Variants in PRKCE observed in about 807,000 individuals in gnomAD.
PRKCE encodes the protein protein kinase C epsilon type.
Under a neutral mutation model 85.4 loss-of-function variants are expected in PRKCE, and 16 were observed. The observed-to-expected ratio is 0.19, with a 90% CI of 0.13 to 0.28. The LOEUF (loss-of-function observed/expected upper bound fraction) is 0.28. PRKCE is among the 10% of genes least tolerant of loss of function. The probability of loss-of-function intolerance (pLI) is 1.00; values close to 1 mark genes in which losing one functional copy is unlikely to be tolerated. For missense variants in PRKCE, 573 were observed against 975.2 expected, an observed-to-expected ratio of 0.59 and a Z score of 5.49; for synonymous variants, 388 against 371.5, an observed-to-expected ratio of 1.04 and a Z score of -0.51.
In PRKCE at chr2:45,741,153, T is replaced by A. The variant is rs568909689; in HGVS notation, c.348+88705T>A. Among the ~76,000 whole-genome samples the A allele has an allele frequency of 7.9e-5, 12 of 152,324 alleles. 1 individual carries two copies. The South Asian group carries it at 2.5e-3, about 32-fold the overall frequency. On this transcript the variant is annotated intron_variant, in intron 1 of 14. Coordinates refer to ENST00000306156, the MANE Select transcript of PRKCE (RefSeq NM_005400.3). ...GGGATCCCAAATGTGATTGCTTCTA[T>A]CGGTGCCTGTAAAGGAGTCTGTAAT... is the stretch of plus-strand genomic sequence containing the variant.
chr2:46,007,705 C>G (rs747464667), intron 9 of PRKCE, 44 bp downstream of exon 9: 11 of 1,563,600 alleles, frequency 7.0e-6, no homozygotes, highest in Non-Finnish European at 8.7e-6. Context: ...TGTTCTACTC[C>G]TTAGCATTGT....
At chr2:46,177,448 C>T (rs1157950586) in intron 14 of PRKCE, among the ~76,000 whole-genome samples, 4 of 152,200 alleles carry the variant, frequency 2.6e-5, no homozygotes, top group African/African-American at 9.6e-5. Flanking sequence ...CCCTCTGAAA[C>T]CTACAGAGGA....
chr2:46,156,971 T>C (rs146453968), intron 13 of PRKCE, among the ~76,000 whole-genome samples: 15 of 152,336 alleles, frequency 9.8e-5, no homozygotes, highest in African/African-American at 3.4e-4. Flanking sequence ...TTTCTTTTTC[T>C]GTGTTATACA....
Position 46,185,454 on chromosome 2 carries a change from A to G in PRKCE, c.*573A>G, listed in dbSNP as rs1468918107. 1 of 152,726 alleles carries G rather than the reference A, an allele frequency of 6.5e-6. No individual in the cohort carries two copies. The highest frequency in any genetic ancestry group is 1.5e-5 in the Non-Finnish European group (1 of 68,126). The allele number at this position is 152,726 out of a possible 1,614,324, so 9.5% of individuals were successfully genotyped here. A position where few individuals can be genotyped will look rare whatever the true frequency, so the allele number is the denominator to read the frequency against. ...GGCCAGCTGGGTTGGTTTGCTCTGG[A>G]ATGGCTAACTCTTGCCTGCTTTGGT... On this transcript the variant is annotated 3_prime_UTR_variant, in exon 15 of 15. Transcript: ENST00000306156. The surrounding 1 kb of genome is among the most constrained non-coding windows in gnomAD (Gnocchi z 4.7).
intron 14 of PRKCE, among the ~76,000 whole-genome samples, chr2:46,163,893 G>A (rs1412738000): frequency 7.3e-6 from 1 of 137,894 alleles, no homozygotes; most frequent in African/African-American, 2.7e-5. Flanking sequence ...GAAAGGTGAG[G>A]TGCACCCCAC....
chr2:46,072,757 C>G (rs1453323209), intron 10 of PRKCE, among the ~76,000 whole-genome samples: 1 of 152,160 alleles, frequency 6.6e-6, no homozygotes, highest in Non-Finnish European at 1.5e-5. Context: ...CATGAGATAC[C>G]TCTTGTAGGA....
chr2:46,108,530 T>C (rs1350204651), intron 11 of PRKCE, among the ~76,000 whole-genome samples: 1 of 152,148 alleles, frequency 6.6e-6, no homozygotes, highest in Non-Finnish European at 1.5e-5. Flanking sequence ...GAATGGGTGA[T>C]AGGAGGCTGC....
chr2:45,822,037 C>T (rs1054177363), intron 1 of PRKCE, among the ~76,000 whole-genome samples: 2 of 152,126 alleles, frequency 1.3e-5, no homozygotes, highest in African/African-American at 4.8e-5. Flanking sequence ...TAGCCGGCTT[C>T]GGCTGAAGGG....
Position 46,086,366 on chromosome 2 carries a change from G to A in PRKCE, c.1592+4G>A. On this transcript the variant is annotated splice_donor_region_variant and intron_variant, in intron 11 of 14. Coordinates refer to ENST00000306156, the MANE Select transcript of PRKCE (RefSeq NM_005400.3). ...ACCAGCATGGAGTCATCTACAGGTA[G>A]CCTCTTCTCTCCTCCTCTTTCCTGA... 2.5e-6 allele frequency: 4 copies of A among 1,596,960 alleles called. No homozygotes were observed. Among genetic ancestry groups the A allele is most frequent in the Non-Finnish European group, 3.4e-6 (4 of 1,178,056 alleles).
At chr2:46,038,014 G>A (rs1391561703) in intron 10 of PRKCE, among the ~76,000 whole-genome samples, 1 of 152,228 alleles carries the variant, frequency 6.6e-6, no homozygotes, top group Non-Finnish European at 1.5e-5. Context: ...ATGCAGTGAT[G>A]TGTGTGCAAG....
intron 11 of PRKCE, among the ~76,000 whole-genome samples, chr2:46,111,632 T>C (rs1672264388): frequency 6.6e-6 from 1 of 152,238 alleles, no homozygotes; most frequent in African/African-American, 2.4e-5. Flanking sequence ...TTTAACATTA[T>C]GCTTTCAAGA....
chr2:45,842,721 C>G (rs899563190), intron 1 of PRKCE, among the ~76,000 whole-genome samples: 1 of 152,222 alleles, frequency 6.6e-6, no homozygotes, highest in African/African-American at 2.4e-5. Flanking sequence ...AGCACTCTCT[C>G]TCTCTCCAAT....
At chr2:45,725,739 G>A (rs1176670301) in intron 1 of PRKCE, among the ~76,000 whole-genome samples, 1 of 151,704 alleles carries the variant, frequency 6.6e-6, no homozygotes, top group Non-Finnish European at 1.5e-5. Flanking sequence ...GCTGAGGCAG[G>A]ATGATCGCTT....
intron 2 of PRKCE, among the ~76,000 whole-genome samples, chr2:45,974,837 G>A (rs951037748): frequency 6.6e-6 from 1 of 152,148 alleles, no homozygotes; most frequent in Non-Finnish European, 1.5e-5. Context: ...GAGCCTTCCA[G>A]TGCATTTTAA....
At chr2:45,777,136 A>G (rs927591818) in intron 1 of PRKCE, among the ~76,000 whole-genome samples, 1 of 152,202 alleles carries the variant, frequency 6.6e-6, no homozygotes, top group Admixed American at 6.5e-5. Context: ...TGGAATATGT[A>G]TTATAAGGGA....
chr2:45,983,098 T>C (rs1432461543), intron 5 of PRKCE, among the ~76,000 whole-genome samples: 1 of 152,214 alleles, frequency 6.6e-6, no homozygotes, highest in Non-Finnish European at 1.5e-5. Flanking sequence ...TTGTTTTCAG[T>C]AGAGCTGACA....
chr2:45,762,429 G>A (rs2104837683), intron 1 of PRKCE, among the ~76,000 whole-genome samples: 1 of 152,328 alleles, frequency 6.6e-6, no homozygotes, highest in African/African-American at 2.4e-5. Flanking sequence ...GGAATGGGAT[G>A]GGATGAGCTG....
intron 2 of PRKCE, among the ~76,000 whole-genome samples, chr2:45,848,104 A>G (rs906734439): frequency 6.6e-6 from 1 of 152,190 alleles, no homozygotes; most frequent in Non-Finnish European, 1.5e-5. Context: ...AATCAAAGTG[A>G]AAGGGGTTTT....
At chr2:45,947,296 TG>T (rs1320556998) in intron 2 of PRKCE, among the ~76,000 whole-genome samples, 1 of 151,984 alleles carries the variant, frequency 6.6e-6, no homozygotes, top group African/African-American at 2.4e-5. Flanking sequence ...AATTAGTGAT[TG>T]CCAGGAGCCA....
Sources: allele counts gnomAD v4.1 joint callset (sites outside exome capture counted in the v4.1 genomes callset), GRCh38; gene constraint gnomAD v4.1.1; non-coding constraint Gnocchi (gnomAD v3.1); transcripts MANE v1.5; gene names NCBI Gene and HGNC (gene_info 2026-07-23, HGNC 2026-07-21).